Variants in EDA observed in about 807,000 individuals in gnomAD.
EDA encodes ectodysplasin A.
Under a neutral mutation model 23.6 loss-of-function variants are expected in EDA, and 2 were observed. The observed-to-expected ratio is 0.08, with a 90% confidence interval of 0.03 to 0.27. The LOEUF is 0.27. Ranked by LOEUF, EDA falls within the 10% of genes least tolerant of loss-of-function variation. The probability of loss-of-function intolerance (pLI) is 1.00; values close to 1 mark genes in which losing one functional copy is unlikely to be tolerated. For missense variants in EDA, 229 were observed against 324.2 expected, an observed-to-expected ratio of 0.71 and a Z score of 2.26; for synonymous variants, 131 against 132.0, an observed-to-expected ratio of 0.99 and a Z score of 0.05.
At chrX:69,762,683 C>G (rs2014346957) in intron 1 of EDA, among the ~76,000 whole-genome samples, 1 of 111,611 alleles carries the variant, frequency 9.0e-6, no homozygotes, top group Non-Finnish European at 1.9e-5. Flanking sequence ...AGTGGCTAAT[C>G]AATACATTTA....
chrX:69,933,902 C>A (rs2018635954), intron 1 of EDA, among the ~76,000 whole-genome samples: 1 of 112,476 alleles, frequency 8.9e-6, no homozygotes, highest in African/African-American at 3.2e-5. Context: ...AAATAATTTT[C>A]TGTCATAATT....
chrX:69,809,244 T>C (rs1036260414), intron 1 of EDA, among the ~76,000 whole-genome samples: 6 of 111,627 alleles, frequency 5.4e-5, no homozygotes, highest in Admixed American at 9.5e-5. Context: ...GAGGTTTAAT[T>C]GACGCACAGT....
intron 1 of EDA, among the ~76,000 whole-genome samples, chrX:69,633,057 C>T (rs966310003): frequency 9.0e-6 from 1 of 111,665 alleles, no homozygotes; most frequent in African/African-American, 3.3e-5. Flanking sequence ...GCTGTCTTTA[C>T]GTTTTAACCA....
At chrX:69,785,157 T>C (rs1171118961) in intron 1 of EDA, among the ~76,000 whole-genome samples, 16 of 101,235 alleles carry the variant, frequency 1.6e-4, no homozygotes, top group African/African-American at 5.7e-4. Context: ...CCTGAGACTT[T>C]GCTGAAGTTG....
intron 1 of EDA, among the ~76,000 whole-genome samples, chrX:69,944,122 A>C (rs771054607): frequency 9.0e-6 from 1 of 110,806 alleles, no homozygotes; most frequent in Non-Finnish European, 1.9e-5. Context: ...CCAAGAGCCG[A>C]GGCCTAGAAT....
chrX:69,701,279 G>A (rs1282362370), intron 1 of EDA, among the ~76,000 whole-genome samples: 2 of 111,063 alleles, frequency 1.8e-5, no homozygotes, highest in Non-Finnish European at 3.8e-5. Context: ...AGGGATGGGG[G>A]CAGTCCTTGT....
intron 2 of EDA, among the ~76,000 whole-genome samples, chrX:69,989,936 C>CTTTTTTTTT (rs760347264): frequency 8.5e-5 from 6 of 70,700 alleles, no homozygotes; most frequent in African/African-American, 2.8e-4. Flanking sequence ...GTTAGGCTTT[C>CTTTTTTTTT]TTTTTTTTTT....
chrX:69,889,769 C>T (rs1368299907), intron 1 of EDA, among the ~76,000 whole-genome samples: 1 of 111,828 alleles, frequency 8.9e-6, no homozygotes, highest in African/African-American at 3.3e-5. Flanking sequence ...CTTTGAAGCA[C>T]ACAGATTATA....
At chrX:69,674,143 C>G (rs749020381) in intron 1 of EDA, among the ~76,000 whole-genome samples, 1 of 107,152 alleles carries the variant, frequency 9.3e-6, no homozygotes, top group East Asian at 2.9e-4. Flanking sequence ...ATCTATCTAT[C>G]TATCATCATA....
intron 1 of EDA, among the ~76,000 whole-genome samples, chrX:69,947,048 A>T (rs1020839850): frequency 1.8e-5 from 2 of 112,645 alleles, no homozygotes; most frequent in Non-Finnish European, 1.9e-5. Flanking sequence ...CTACTCACAA[A>T]TGATTGCCTT....
At chrX:69,815,327 C>G (rs939995726) in intron 1 of EDA, among the ~76,000 whole-genome samples, 1 of 110,808 alleles carries the variant, frequency 9.0e-6, no homozygotes, top group Non-Finnish European at 1.9e-5. Context: ...GGACACTGAT[C>G]CATTCCTCCT....
chrX:69,864,402 G>A (rs1326992450), intron 1 of EDA, among the ~76,000 whole-genome samples: 1 of 111,421 alleles, frequency 9.0e-6, no homozygotes, highest in Non-Finnish European at 1.9e-5. Context: ...CCATTCCTAG[G>A]GGACAGGGAG....
At chrX:69,915,203 T>C (rs751647320) in intron 1 of EDA, among the ~76,000 whole-genome samples, 5 of 112,108 alleles carry the variant, frequency 4.5e-5, no homozygotes, top group African/African-American at 1.6e-4. Context: ...CCATTTGTTG[T>C]AGCCTTTCAT....
chrX:70,007,393 G>A (rs1301726798), intron 2 of EDA, among the ~76,000 whole-genome samples: 1 of 111,539 alleles, frequency 9.0e-6, no homozygotes. Context: ...CATAAAGGCA[G>A]TTACTCCCAT....
At chrX:69,998,929 G>T (rs113897587) in intron 2 of EDA, among the ~76,000 whole-genome samples, 1 of 110,865 alleles carries the variant, frequency 9.0e-6, no homozygotes, top group Non-Finnish European at 1.9e-5. Flanking sequence ...TCCCAGTCTC[G>T]GGTATGTCTT....
chrX:70,005,748 C>T (rs892398694), intron 2 of EDA, among the ~76,000 whole-genome samples: 1 of 110,462 alleles, frequency 9.1e-6, no homozygotes, highest in Non-Finnish European at 1.9e-5. Context: ...TGTTGAACTA[C>T]ATGCCATGCA....
intron 2 of EDA, among the ~76,000 whole-genome samples, chrX:69,967,027 G>A (rs1330583995): frequency 1.8e-5 from 2 of 110,008 alleles, no homozygotes; most frequent in Non-Finnish European, 3.8e-5. Context: ...AAGCATCAGT[G>A]AATATCGATT....
chrX:69,964,067 A>G (rs889429508), intron 2 of EDA, among the ~76,000 whole-genome samples: 3 of 111,278 alleles, frequency 2.7e-5, no homozygotes, highest in Non-Finnish European at 3.8e-5. Flanking sequence ...CTGTCTACTC[A>G]GTCTCTCTAA....
intron 1 of EDA, among the ~76,000 whole-genome samples, chrX:69,870,955 T>G (rs1204409964): frequency 1.8e-5 from 2 of 111,514 alleles, no homozygotes; most frequent in Non-Finnish European, 3.8e-5. Context: ...TCATTTTCTT[T>G]CATCACTTTT....
Sources: gnomAD v4.1 joint callset for allele counts (sites outside exome capture counted in the v4.1 genomes callset) on GRCh38, gnomAD v4.1.1 for gene constraint, MANE v1.5 for transcripts, NCBI Gene and HGNC (gene_info 2026-07-23, HGNC 2026-07-21) for gene names.